GGT7: variants seen among roughly 807,000 people sequenced by gnomAD.
The protein encoded by GGT7 is glutathione hydrolase 7.
Under a neutral mutation model 69.2 loss-of-function variants are expected in GGT7, and 30 were observed. The ratio of observed to expected loss-of-function variants is 0.43; its 90% CI spans 0.32 to 0.59. The LOEUF (loss-of-function observed/expected upper bound fraction) is 0.59, where lower values mean the gene tolerates loss of function less well. Among genes scored for constraint, GGT7 ranks in the 20% least tolerant of loss-of-function variants. GGT7 has a pLI of 0.05. For synonymous variants in GGT7, 388 were observed against 391.8 expected (o/e 0.99, Z 0.12); for missense variants, 733 against 901.1 (o/e 0.81, Z 2.39).
intron 1 of GGT7, among the ~76,000 whole-genome samples, chr20:34,868,847 A>C (rs1225823318): frequency 6.6e-6 from 1 of 152,218 alleles, no homozygotes; most frequent in Non-Finnish European, 1.5e-5. Flanking sequence ...CCCTAATAAA[A>C]TGGGAGGCCT....
chr20:34,860,093 G>A (rs1317140526), intron 5 of GGT7, 51 bp from the exon 6 acceptor site: 1 of 902,022 alleles, frequency 1.1e-6, no homozygotes, highest in Non-Finnish European at 1.8e-6. Context: ...GGAATGAGGA[G>A]GGGTCCGGGG....
chr20:34,851,968 G>A (rs6060084), intron 12 of GGT7, among the ~76,000 whole-genome samples, 187 bp downstream of exon 12: 1 of 152,246 alleles, frequency 6.6e-6, no homozygotes, highest in African/African-American at 2.4e-5. Context: ...AATGGGACAA[G>A]GGTTCTTCAG....
chr20:34,856,901 G>A lies in GGT7; in HGVS notation c.1015-8C>T, dbSNP rs114141998. 7.6e-4 allele frequency: 1,202 copies of A among 1,572,200 alleles called. 6 individuals carry two copies. The African/African-American group carries it at 0.014, about 19-fold the overall frequency. ...ACCCCCTGCGTGCTGAGCCTGGAGG[G>A]AAGAGAATGAGGGAATGACCTCCCA... On this transcript the variant is annotated splice_polypyrimidine_tract_variant and splice_region_variant and intron_variant, in intron 7 of 14. Transcript: ENST00000336431.
intron 4 of GGT7, 55 bp downstream of exon 4, chr20:34,861,390 G>A (rs779445262): frequency 8.8e-6 from 7 of 794,202 alleles, no homozygotes; most frequent in Non-Finnish European, 1.2e-5. Flanking sequence ...TGGGTTAGCA[G>A]AAGGGCAATG....
chr20:34,853,519 G>A (rs1281105967), intron 10 of GGT7, among the ~76,000 whole-genome samples: 3 of 146,482 alleles, frequency 2.0e-5, no homozygotes, highest in Non-Finnish European at 4.5e-5. Context: ...CCAAGATCAT[G>A]ACACTGCACT....
At chr20:34,866,057 T>G (rs1229880543) in intron 1 of GGT7, among the ~76,000 whole-genome samples, 1 of 152,212 alleles carries the variant, frequency 6.6e-6, no homozygotes, top group Non-Finnish European at 1.5e-5. Context: ...GATGCCAACA[T>G]AATAAACATC....
chr20:34,863,410 C>A lies in GGT7; in HGVS notation c.308G>T (p.Arg103Leu). ...FSAAAAECSC[R>L]QDGLTVIVTA... ...GACGATGACCGTGAGCCCATCCTGG[C>A]GGCAGGAGCACTCGGCCGCTGCGGC... The change falls in exon 2 of 15, where the codon CGC becomes CTC. Residue 103 changes from arginine to leucine, a missense_variant. Physicochemically the swap from Arg to Leu is moderately radical, Grantham distance 102 (BLOSUM62 -2). Transcript: ENST00000336431. This position sits in a 1 kb window ranked among gnomAD's most constrained non-coding sequence, Gnocchi z 4.4. The A allele has an allele frequency of 2.5e-6, 4 of 1,613,862 alleles. No individual in the cohort carries two copies. In the South Asian group the frequency reaches 4.4e-5, roughly 18 times the overall value.
intron 14 of GGT7, among the ~76,000 whole-genome samples, chr20:34,849,156 T>G (rs1281298456): frequency 6.7e-6 from 1 of 149,610 alleles, no homozygotes; most frequent in East Asian, 1.9e-4. Flanking sequence ...GTGGGCTCTC[T>G]CTTACTTTTT....
chr20:34,854,363 A>C (rs1202703598), intron 10 of GGT7, among the ~76,000 whole-genome samples, 168 bp downstream of exon 10: 1 of 152,184 alleles, frequency 6.6e-6, no homozygotes, highest in Non-Finnish European at 1.5e-5. Flanking sequence ...TGCTGATAGG[A>C]AAGGTGAGGT....
At chr20:34,855,789 CTGTG>C (rs3138662) in intron 8 of GGT7, among the ~76,000 whole-genome samples, 26 of 144,148 alleles carry the variant, frequency 1.8e-4, no homozygotes, top group South Asian at 4.7e-4. Flanking sequence ...TTTTTCTTTT[CTGTG>C]TGTGTGTGTG....
Position 34,845,045 on chromosome 20 carries a change from G to A in GGT7, c.*283C>T, listed in dbSNP as rs1043997975. On this transcript the variant is annotated 3_prime_UTR_variant, in exon 15 of 15. Transcript: ENST00000336431. ...CCAGCATGGCTGAAGGAGGAGAGGT[G>A]ACACACAGACAGATAGTCTGATTCC... 4.5e-6 allele frequency: 2 copies of A among 443,612 alleles called. No homozygotes were observed. The highest frequency in any genetic ancestry group is 3.9e-5 in the African/African-American group (2 of 50,670). 27.5% of individuals were successfully genotyped at this position (443,612 alleles called of 1,614,324 possible).
rs142461414 is a variant in GGT7 at position 34,854,575 on chromosome 20, G to A, written c.1275C>T (p.Pro425=). Residue 425 remains proline, a synonymous_variant, in exon 10 of 15, where the codon CCC becomes CCT. Coordinates refer to ENST00000336431, the MANE Select transcript of GGT7 (RefSeq NM_178026.3). ...TCTCAGTGATGGTAGAATCATAGAC[G>A]GGATCTCCCAGTCTGCTGGCCAGGG... The part of the protein sequence containing the change: ...ALALASRLGD[P]VYDSTITESM... 4.2e-4 allele frequency: 680 copies of A among 1,612,842 alleles called. 3 individuals are homozygous for A. In the African/African-American group the frequency reaches 7.1e-3, roughly 17 times the overall value.
At chr20:34,851,896 G>C (rs2079399909) in intron 12 of GGT7, among the ~76,000 whole-genome samples, 1 of 152,194 alleles carries the variant, frequency 6.6e-6, no homozygotes, top group African/African-American at 2.4e-5. Context: ...TCATTGTACA[G>C]GTGAAGAAAT....
At position 34,865,465 on chromosome 20, in the gene GGT7, C is replaced by A. The variant is rs552202402; in HGVS notation, c.170-1917G>T. On this transcript the variant is annotated intron_variant, in intron 1 of 14. Transcript: ENST00000336431. Reference sequence around the variant, plus strand: ...TCAGCCTCCCAAAGCGCTGGGATTACAGGCATGAGCCACTGCGCCCGGCCT... The same window carrying A: ...TCAGCCTCCCAAAGCGCTGGGATTAAAGGCATGAGCCACTGCGCCCGGCCT... Among the ~76,000 whole-genome samples, 36 of 152,374 alleles carry A rather than the reference C, an allele frequency of 2.4e-4. 3 individuals are homozygous for A. In the South Asian group the frequency reaches 6.4e-3, roughly 27 times the overall value.
intron 13 of GGT7, among the ~76,000 whole-genome samples, chr20:34,850,615 C>T (rs1404135003): frequency 2.6e-5 from 4 of 152,204 alleles, no homozygotes; most frequent in Non-Finnish European, 5.9e-5. Flanking sequence ...GCACTTAGTA[C>T]GAACTCTTTA....
intron 8 of GGT7, among the ~76,000 whole-genome samples, chr20:34,855,557 G>A (rs950016498): frequency 1.3e-5 from 2 of 152,132 alleles, no homozygotes; most frequent in Non-Finnish European, 2.9e-5. Flanking sequence ...CCCAGGCTGG[G>A]AAGGGGAAAT....
intron 12 of GGT7, 44 bp from the exon 13 acceptor site, chr20:34,851,412 A>G (rs1228864868): frequency 1.3e-6 from 2 of 1,569,788 alleles, no homozygotes; most frequent in Non-Finnish European, 1.7e-6. Context: ...GTGGGGTGGG[A>G]CAAGACCGGG....
chr20:34,860,621 T>A (rs2079576832), intron 4 of GGT7, among the ~76,000 whole-genome samples: 1 of 148,980 alleles, frequency 6.7e-6, no homozygotes, highest in Non-Finnish European at 1.5e-5. Flanking sequence ...CTACATTGGA[T>A]TTCACCAACC....
Position 34,845,150 on chromosome 20 carries a change from A to ACCACCACCACCACCC in GGT7, c.*177_*178insGGGTGGTGGTGGTGG. ...CACCACCACCACCACCACCACCACCACCACAGGCCTCCTGATGGAGAATTT... is the reference window on the plus strand; with the variant it reads ...CACCACCACCACCACCACCACCACCACCACCACCACCACCCCCACAGGCCTCCTGATGGAGAATTT... On this transcript the variant is annotated 3_prime_UTR_variant, in exon 15 of 15. Coordinates refer to ENST00000336431, the MANE Select transcript of GGT7 (RefSeq NM_178026.3). The ACCACCACCACCACCC allele has an allele frequency of 6.7e-6, 2 of 300,130 alleles. No homozygotes were observed. The highest frequency in any genetic ancestry group is 1.3e-5 in the Non-Finnish European group (2 of 159,400). The allele number at this position is 300,130 out of a possible 1,614,324, so 18.6% of individuals were successfully genotyped here.
Sources: gnomAD v4.1 joint callset for allele counts (sites outside exome capture counted in the v4.1 genomes callset) on GRCh38, gnomAD v4.1.1 for gene constraint, Gnocchi (gnomAD v3.1) non-coding constraint, MANE v1.5 for transcripts, NCBI Gene and HGNC (gene_info 2026-07-23, HGNC 2026-07-21) for gene names.